The following VTI1A variants were observed in gnomAD, a reference collection of about 807,000 sequenced individuals.
VTI1A encodes vesicle transport through interaction with t-SNAREs 1A.
In VTI1A, 22 loss-of-function variants were observed where a neutral mutation model predicts 34.9. That is an observed-to-expected ratio of 0.63 (90% CI 0.45 to 0.90). The LOEUF (loss-of-function observed/expected upper bound fraction) is 0.90, where lower values mean the gene tolerates loss of function less well. Ranked by LOEUF, VTI1A falls within the 40% of genes least tolerant of loss-of-function variation. The probability of loss-of-function intolerance (pLI) is 0.00; values close to 1 mark genes in which losing one functional copy is unlikely to be tolerated. For synonymous variants in VTI1A, 87 were observed against 97.3 expected (o/e 0.89, Z 0.62); for missense variants, 268 against 275.6 (o/e 0.97, Z 0.20).
At chr10:112,731,920 T>C (rs1227625463) in intron 7 of VTI1A, among the ~76,000 whole-genome samples, 2 of 152,184 alleles carry the variant, frequency 1.3e-5, no homozygotes, top group Non-Finnish European at 2.9e-5. Flanking sequence ...TTGAGAGGCA[T>C]TAACTATTTT....
intron 5 of VTI1A, among the ~76,000 whole-genome samples, chr10:112,585,215 G>A (rs1202601863): frequency 1.3e-5 from 2 of 152,176 alleles, no homozygotes; most frequent in African/African-American, 2.4e-5. Context: ...CAGACAGTAC[G>A]AGACATGAAT....
intron 5 of VTI1A, among the ~76,000 whole-genome samples, chr10:112,542,714 A>G (rs1270479095): frequency 6.6e-6 from 1 of 152,160 alleles, no homozygotes; most frequent in African/African-American, 2.4e-5. Flanking sequence ...CCACAAACCT[A>G]TGTAGTGATT....
chr10:112,723,064 C>A (rs1849868321), intron 7 of VTI1A, among the ~76,000 whole-genome samples: 2 of 152,144 alleles, frequency 1.3e-5, no homozygotes, highest in African/African-American at 4.8e-5. Context: ...CTCTGTGCCT[C>A]AAGTTCTTTA....
intron 7 of VTI1A, among the ~76,000 whole-genome samples, chr10:112,709,408 C>T (rs1254792258): frequency 6.6e-6 from 1 of 152,102 alleles, no homozygotes; most frequent in Admixed American, 6.5e-5. Flanking sequence ...CCTCTGCTGG[C>T]CCTCAGCCTT....
chr10:112,855,283 A>C, the VTI1A span, among the ~76,000 whole-genome samples: 1 of 152,020 alleles, frequency 6.6e-6, no homozygotes, highest in South Asian at 2.1e-4. Context: ...CCACCTCCTC[A>C]TTACAGAACA....
chr10:112,659,047 A>G (rs190394814), intron 5 of VTI1A, among the ~76,000 whole-genome samples: 295 of 152,358 alleles, frequency 1.9e-3, no homozygotes, highest in Middle Eastern at 0.01. Flanking sequence ...AATAGTGATT[A>G]ACTCGGCTCA....
intron 7 of VTI1A, among the ~76,000 whole-genome samples, chr10:112,766,161 G>T (rs933153956): frequency 6.6e-6 from 1 of 152,172 alleles, no homozygotes; most frequent in African/African-American, 2.4e-5. Flanking sequence ...GAATGTTAAG[G>T]CCTTTTGACA....
chr10:112,778,535 AAG>A (rs1852018774), intron 7 of VTI1A, among the ~76,000 whole-genome samples: 1 of 152,232 alleles, frequency 6.6e-6, no homozygotes, highest in Non-Finnish European at 1.5e-5. Flanking sequence ...ATACAGGACA[AAG>A]AGCTTTTCCT....
chr10:112,598,856 T>A (rs1212919653), intron 5 of VTI1A, among the ~76,000 whole-genome samples: 1 of 152,204 alleles, frequency 6.6e-6, no homozygotes, highest in Non-Finnish European at 1.5e-5. Context: ...TGCATTCATA[T>A]GTGAATTGGG....
chr10:112,602,220 G>T (rs1008140899), intron 5 of VTI1A, among the ~76,000 whole-genome samples: 2 of 152,224 alleles, frequency 1.3e-5, no homozygotes, highest in African/African-American at 4.8e-5. Flanking sequence ...GCAGGGGCTA[G>T]ATTTTATTCA....
At chr10:112,547,530 A>G (rs1166539257) in intron 5 of VTI1A, among the ~76,000 whole-genome samples, 1 of 152,164 alleles carries the variant, frequency 6.6e-6, no homozygotes, top group Non-Finnish European at 1.5e-5. Flanking sequence ...GTGAGCCAAG[A>G]TTGTGCCACT....
the VTI1A span, among the ~76,000 whole-genome samples, chr10:112,842,037 CTT>C: frequency 2.5e-5 from 1 of 39,904 alleles, no homozygotes; most frequent in African/African-American, 8.5e-5. Flanking sequence ...GAGTTCTTTT[CTT>C]TTTTTTTTTT....
chr10:112,719,787 C>T (rs1227738543), intron 7 of VTI1A, among the ~76,000 whole-genome samples: 1 of 152,202 alleles, frequency 6.6e-6, no homozygotes, highest in Non-Finnish European at 1.5e-5. Flanking sequence ...CTCAGGTGAT[C>T]TGCCCGTCTC....
chr10:112,843,143 CCTT>C, the VTI1A span, among the ~76,000 whole-genome samples: 4 of 152,234 alleles, frequency 2.6e-5, no homozygotes, highest in Non-Finnish European at 5.9e-5. Flanking sequence ...CAGTGATTCT[CCTT>C]CTTCGCCTCC....
intron 3 of VTI1A, among the ~76,000 whole-genome samples, chr10:112,486,230 T>C (rs555778668): frequency 5.4e-4 from 82 of 152,322 alleles, no homozygotes; most frequent in African/African-American, 1.9e-3. Flanking sequence ...GAAAGAGCAC[T>C]GAACTTCTAG....
At chr10:112,682,920 G>T (rs891140678) in intron 7 of VTI1A, among the ~76,000 whole-genome samples, 5 of 152,218 alleles carry the variant, frequency 3.3e-5, no homozygotes, top group Admixed American at 1.3e-4. Flanking sequence ...GCTGGAGGGG[G>T]TGCCATTCTT....
At position 112,793,057 on chromosome 10, in the gene VTI1A, G is replaced by C. The variant is rs139076977; in HGVS notation, c.561-22233G>C. On this transcript the variant is annotated intron_variant, in intron 7 of 7. Coordinates refer to ENST00000393077, the MANE Select transcript of VTI1A (RefSeq NM_145206.4). ...TAATTGTCGCACACTCGGTGAAGTG[G>C]AAGCACAGGGCTGGGGCTGAGGCTG... 7.9e-5 allele frequency among the ~76,000 whole-genome samples: 12 copies of C among 152,348 alleles called. No individual in the cohort carries two copies. The East Asian group carries it at 2.3e-3, about 29-fold the overall frequency.
chr10:112,826,768 C>G, the VTI1A span: 1 of 152,146 alleles, frequency 6.6e-6, no homozygotes, highest in African/African-American at 2.4e-5. Flanking sequence ...CTAAGCCACC[C>G]TCATGGAGGT....
intron 5 of VTI1A, among the ~76,000 whole-genome samples, chr10:112,596,126 C>T (rs2134451551): frequency 6.9e-6 from 1 of 144,438 alleles, no homozygotes; most frequent in East Asian, 2.0e-4. Context: ...AACACATGGA[C>T]ACAGGAAGGG....
Sources: gnomAD v4.1 joint callset for allele counts (sites outside exome capture counted in the v4.1 genomes callset) on GRCh38, gnomAD v4.1.1 for gene constraint, MANE v1.5 for transcripts, NCBI Gene and HGNC (gene_info 2026-07-23, HGNC 2026-07-21) for gene names.